PRPF40B: variants seen among roughly 807,000 people sequenced by gnomAD.
The protein encoded by PRPF40B is pre-mRNA processing factor 40B, also known as pre-mRNA-processing factor 40 homolog B.
Under a neutral mutation model 124.5 loss-of-function variants are expected in PRPF40B, and 56 were observed. That is an observed-to-expected ratio of 0.45 (90% confidence interval 0.36 to 0.56). The LOEUF (loss-of-function observed/expected upper bound fraction) is 0.56. PRPF40B is among the 20% of genes least tolerant of loss of function. PRPF40B has a pLI of 0.00. For missense variants in PRPF40B, 1,053 were observed against 1,169.5 expected, an observed-to-expected ratio of 0.90 and a Z score of 1.45; for synonymous variants, 443 against 426.4, an observed-to-expected ratio of 1.04 and a Z score of -0.48.
chr12:49,635,234 T>TGG lies in PRPF40B; in HGVS notation c.1138_1139insGG (p.Glu380GlyfsTer4). 1 of 1,613,842 alleles carries TGG rather than the reference T, an allele frequency of 6.2e-7. No homozygotes were observed. Among genetic ancestry groups the TGG allele is most frequent in the Non-Finnish European group, 8.5e-7 (1 of 1,179,866 alleles). Reference sequence around the variant, plus strand: ...CCCTGCAGCATTTCCTGGAGCAGCATGAACGCATGACCTCCACCACCCGCT... The same window carrying TGG: ...CCCTGCAGCATTTCCTGGAGCAGCATGGGAACGCATGACCTCCACCACCCGCT... On this transcript the variant is annotated frameshift_variant, in exon 13 of 26. Transcript: ENST00000548825. LOFTEE classifies it high-confidence loss of function. This position sits in a 1 kb window ranked among gnomAD's most constrained non-coding sequence, Gnocchi z 4.1.
At chr12:49,637,973 C>CA (rs1942079006) in intron 18 of PRPF40B, 149 bp downstream of exon 18, 3 of 638,138 alleles carry the variant, frequency 4.7e-6, no homozygotes, top group Non-Finnish European at 5.6e-6. Flanking sequence ...ACTAGGGATA[C>CA]AGTAATGAAT....
At chr12:49,632,707 T>A in intron 5 of PRPF40B, 84 bp downstream of exon 5, 1 of 1,596,170 alleles carries the variant, frequency 6.3e-7, no homozygotes, top group South Asian at 1.1e-5. Flanking sequence ...GAGCCCACCC[T>A]GGATCATGCC....
Position 49,642,446 on chromosome 12 carries a change from C to G in PRPF40B, c.2022+74C>G. ...GGTGCTTCACCACTGAGGGCCCACCCCAGTCACGTCACAGCCCTGGGCCAG... is the reference window on the plus strand; with the variant it reads ...GGTGCTTCACCACTGAGGGCCCACCGCAGTCACGTCACAGCCCTGGGCCAG... On this transcript the variant is annotated intron_variant, in intron 20 of 25. Coordinates refer to ENST00000548825, the MANE Select transcript of PRPF40B (RefSeq NM_001031698.3). This position sits in a 1 kb window ranked among gnomAD's most constrained non-coding sequence, Gnocchi z 5.8. 1 of 1,574,438 alleles carries G rather than the reference C, an allele frequency of 6.4e-7. No individual in the cohort carries two copies. Among genetic ancestry groups the G allele is most frequent in the Non-Finnish European group, 8.7e-7 (1 of 1,146,770 alleles).
Position 49,635,059 on chromosome 12 carries a change from G to A in PRPF40B, c.1002-40G>A, listed in dbSNP as rs901007171. ...GTGGGCTGTGCAGAGTGGTTCGGGT[G>A]ACTTCTCTATCCCCACCCCACTCCT... On this transcript the variant is annotated intron_variant, in intron 12 of 25. Transcript: ENST00000548825. The surrounding 1 kb of genome is among the most constrained non-coding windows in gnomAD (Gnocchi z 4.1). 1.4e-5 allele frequency: 22 copies of A among 1,577,514 alleles called. No individual in the cohort carries two copies. The highest frequency in any genetic ancestry group is 1.7e-6 in the Non-Finnish European group (2 of 1,160,680).
At chr12:49,637,854 C>A in intron 18 of PRPF40B, 30 bp downstream of exon 18, 12 of 1,541,008 alleles carry the variant, frequency 7.8e-6, no homozygotes, top group Non-Finnish European at 1.1e-5. Context: ...TGGATGGATA[C>A]AGGATGGATG....
rs1277800463 is a variant in PRPF40B at position 49,632,862 on chromosome 12, G to A, written c.330G>A (p.Val110=). 3.7e-6 allele frequency: 6 copies of A among 1,613,738 alleles called. No homozygotes were observed. Among genetic ancestry groups the A allele is most frequent in the Admixed American group, 1.7e-5 (1 of 60,002 alleles). The stretch of plus-strand genomic sequence containing the variant: ...CCTTTGGCTTTTTTCTAGCTGCTGT[G>A]GCTGGGACAGGCCCTCCGGTGAGTT... ...APGADTASSA[V]AGTGPPRALW... The change falls in exon 6 of 26, where the codon GTG becomes GTA. Residue 110 remains valine, a synonymous_variant. Transcript: ENST00000548825.
chr12:49,637,064 C>T, intron 16 of PRPF40B: 1 of 713,738 alleles, frequency 1.4e-6, no homozygotes, highest in Non-Finnish European at 2.3e-6. Flanking sequence ...GTATGCACCA[C>T]CCAGAAACTG....
rs1941379491 is a variant in PRPF40B, at chr12:49,632,996, G to GGGGGGGGC, written c.349-18_349-17insGGGGGGGC. ...AAAGGGGCCTTGACCACCATTCTGTGCCCCCCCCCCCACCCAGAGGGCCCT... is the reference window on the plus strand; with the variant it reads ...AAAGGGGCCTTGACCACCATTCTGTGGGGGGGGCCCCCCCCCCCCACCCAGAGGGCCCT... On this transcript the variant is annotated splice_polypyrimidine_tract_variant and intron_variant, in intron 6 of 25. Coordinates refer to ENST00000548825, the MANE Select transcript of PRPF40B (RefSeq NM_001031698.3). 36 of 1,147,302 alleles carry GGGGGGGGC rather than the reference G, an allele frequency of 3.1e-5. No individual in the cohort carries two copies. The highest frequency in any genetic ancestry group is 4.0e-5 in the Non-Finnish European group (33 of 822,938). 71.1% of individuals were successfully genotyped at this position (1,147,302 alleles called of 1,614,324 possible). A position where few individuals can be genotyped will look rare whatever the true frequency, so the allele number is the denominator to read the frequency against.
At chr12:49,634,706 C>G in intron 12 of PRPF40B, 104 bp downstream of exon 12, 5 of 1,425,332 alleles carry the variant, frequency 3.5e-6, no homozygotes, top group Non-Finnish European at 4.8e-6. Flanking sequence ...GAACCAGAGT[C>G]AGGACAGTGA....
At chr12:49,628,019 C>T (rs1170361523) in intron 1 of PRPF40B, among the ~76,000 whole-genome samples, 1 of 152,032 alleles carries the variant, frequency 6.6e-6, no homozygotes, top group Non-Finnish European at 1.5e-5. Flanking sequence ...CCTGGTAGGA[C>T]CCAAAGATGT....
intron 1 of PRPF40B, among the ~76,000 whole-genome samples, chr12:49,624,620 C>T (rs975049541): frequency 3.3e-5 from 5 of 152,126 alleles, no homozygotes; most frequent in African/African-American, 7.2e-5. Flanking sequence ...GAGGCCGAGG[C>T]GGGCGAATCA....
At position 49,637,341 on chromosome 12, in the gene PRPF40B, C is replaced by T. The variant is rs574896485; in HGVS notation, c.1561-129C>T. 9.3e-6 allele frequency: 6 copies of T among 645,418 alleles called. No homozygotes were observed. In the African/African-American group the frequency reaches 1.1e-4, roughly 12 times the overall value. The allele number at this position is 645,418 out of a possible 1,614,324, so 40.0% of individuals were successfully genotyped here. ...TCCATCTGCATCTCTTCATCTCTGC[C>T]TCTCTTGCCTGCATTTCCTCAATCT... On this transcript the variant is annotated intron_variant, in intron 16 of 25. Transcript: ENST00000548825.
At chr12:49,623,007 G>A (rs1165119885), upstream of PRPF40B, among the ~76,000 whole-genome samples, 3 of 151,938 alleles carry the variant, frequency 2.0e-5, no homozygotes, top group Admixed American at 6.6e-5. Flanking sequence ...AGGGTCACGC[G>A]AGAAGCACGT....
Position 49,631,833 on chromosome 12 carries a change from T to C in PRPF40B, c.229-27T>C. On this transcript the variant is annotated intron_variant, in intron 3 of 25. Transcript: ENST00000548825. The surrounding 1 kb of genome is among the most constrained non-coding windows in gnomAD (Gnocchi z 4.3). Reference sequence around the variant, plus strand: ...CTGTTCCAGCCCTTACCTTGGTGGTTGGTTTCTGTCTTCTTTGTATCCATA... The same window carrying C: ...CTGTTCCAGCCCTTACCTTGGTGGTCGGTTTCTGTCTTCTTTGTATCCATA... The C allele has an allele frequency of 6.2e-7, 1 of 1,606,124 alleles. No individual in the cohort carries two copies. Among genetic ancestry groups the C allele is most frequent in the Non-Finnish European group, 8.5e-7 (1 of 1,173,074 alleles).
chr12:49,641,109 A>C (rs910082803), intron 18 of PRPF40B: 4 of 152,110 alleles, frequency 2.6e-5, no homozygotes, highest in Non-Finnish European at 5.9e-5. Flanking sequence ...TTCATTTACC[A>C]CTCATGTCAT....
Position 49,637,594 on chromosome 12 carries a change from C to T in PRPF40B, c.1675+10C>T. The T allele has an allele frequency of 6.2e-7, 1 of 1,610,344 alleles. No individual in the cohort carries two copies. The highest frequency in any genetic ancestry group is 8.5e-7 in the Non-Finnish European group (1 of 1,177,502). ...ATGCTGGGCCAGCCGGGTAAGGCAG[C>T]CAGGCTCCCCCTTCTCTGGCCTGGC... On this transcript the variant is annotated intron_variant, in intron 17 of 25. Transcript: ENST00000548825.
At chr12:49,640,158 A>G (rs1480906597) in intron 18 of PRPF40B, 1 of 152,234 alleles carries the variant, frequency 6.6e-6, no homozygotes, top group Non-Finnish European at 1.5e-5. Flanking sequence ...GGTGCCTTTC[A>G]TCCCATAGGA....
upstream of PRPF40B, chr12:49,623,499 C>T: frequency 8.2e-7 from 1 of 1,223,456 alleles, no homozygotes. Context: ...CGACCCCCCG[C>T]CGGCCCCGCC....
intron 25 of PRPF40B, 27 bp from the exon 26 acceptor site, chr12:49,644,073 G>C (rs1299424478): frequency 3.7e-6 from 6 of 1,614,196 alleles, no homozygotes; most frequent in Non-Finnish European, 5.1e-6. Flanking sequence ...TGCAGGCTAA[G>C]GGTGAACTGT....
Sources: allele counts gnomAD v4.1 joint callset (sites outside exome capture counted in the v4.1 genomes callset), GRCh38; gene constraint gnomAD v4.1.1; non-coding constraint Gnocchi (gnomAD v3.1); transcripts MANE v1.5; gene names NCBI Gene and HGNC (gene_info 2026-07-23, HGNC 2026-07-21).